PRMT9: variants seen among roughly 807,000 people sequenced by gnomAD.
PRMT9 encodes protein arginine N-methyltransferase 9.
Under a neutral mutation model 83.2 loss-of-function variants are expected in PRMT9, and 59 were observed. That is an observed-to-expected ratio of 0.71 (90% CI 0.57 to 0.88). PRMT9 has a LOEUF of 0.88. Ranked by LOEUF, PRMT9 falls within the 40% of genes least tolerant of loss-of-function variation. The pLI is 0.00. For synonymous variants in PRMT9, 333 were observed against 353.2 expected, an observed-to-expected ratio of 0.94 and a Z score of 0.64; for missense variants, 947 against 1,021.9, an observed-to-expected ratio of 0.93 and a Z score of 1.00.
intron 2 of PRMT9, among the ~76,000 whole-genome samples, chr4:147,677,597 A>G (rs2126637899): frequency 6.6e-6 from 1 of 151,822 alleles, no homozygotes; most frequent in East Asian, 1.9e-4. Context: ...GGGACTACAG[A>G]CACGTGCCAC....
At chr4:147,643,383 T>C (rs1733539629) in intron 9 of PRMT9, among the ~76,000 whole-genome samples, 1 of 152,222 alleles carries the variant, frequency 6.6e-6, no homozygotes, top group Non-Finnish European at 1.5e-5. Context: ...TAGAGTCTAA[T>C]GGACTTTCTG....
intron 1 of PRMT9, among the ~76,000 whole-genome samples, chr4:147,680,706 ACT>A (rs1161460026): frequency 6.6e-6 from 1 of 151,600 alleles, no homozygotes; most frequent in Non-Finnish European, 1.5e-5. Flanking sequence ...AACTCCCCCC[ACT>A]CTTAGCTGCT....
intron 4 of PRMT9, 126 bp from the exon 5 acceptor site, chr4:147,670,869 C>A: frequency 1.5e-6 from 1 of 660,474 alleles, no homozygotes; most frequent in Non-Finnish European, 2.6e-6. Flanking sequence ...TATCCTAATA[C>A]ATTTCATTTT....
Position 147,638,159 on chromosome 4 carries a change from T to C in PRMT9, c.*373A>G, listed in dbSNP as rs937992005. 1 of 268,696 alleles carries C rather than the reference T, an allele frequency of 3.7e-6. No individual in the cohort carries two copies. 16.6% of individuals were successfully genotyped at this position (268,696 alleles called of 1,614,324 possible). A position where few individuals can be genotyped will look rare whatever the true frequency, so the allele number is the denominator to read the frequency against. ...AACCCTCAGTCTTCAGTGGAAGCCT[T>C]TCAGTGTTTCCCAATTACAAGTTTG... On this transcript the variant is annotated 3_prime_UTR_variant, in exon 12 of 12. Transcript: ENST00000322396.
At chr4:147,639,327 A>G (rs561602301) in intron 10 of PRMT9, 29 of 425,124 alleles carry the variant, frequency 6.8e-5, no homozygotes, top group South Asian at 6.5e-4. Context: ...CAGGTTAGAT[A>G]ATTTGCTCTG....
intron 7 of PRMT9, among the ~76,000 whole-genome samples, chr4:147,659,725 C>T (rs899313501): frequency 2.3e-4 from 35 of 151,672 alleles, no homozygotes; most frequent in African/African-American, 8.0e-4. Flanking sequence ...TTAGAGGCAC[C>T]CGCCACCACA....
chr4:147,672,032 A>G (rs886326396), intron 4 of PRMT9: 66 of 377,114 alleles, frequency 1.8e-4, no homozygotes, highest in South Asian at 1.0e-3. Flanking sequence ...ATAAATGCCT[A>G]TTGTTAAAGC....
chr4:147,653,442 TAAA>T (rs201458372), intron 9 of PRMT9, among the ~76,000 whole-genome samples: 3 of 144,394 alleles, frequency 2.1e-5, no homozygotes, highest in South Asian at 4.4e-4. Flanking sequence ...AACTCCGTCT[TAAA>T]AAAAAAAAAT....
chr4:147,639,570 C>G (rs1210187658), intron 10 of PRMT9, among the ~76,000 whole-genome samples: 2 of 152,170 alleles, frequency 1.3e-5, no homozygotes, highest in East Asian at 1.9e-4. Flanking sequence ...AAATTAAAAT[C>G]ACCTGGGGAG....
intron 7 of PRMT9, among the ~76,000 whole-genome samples, chr4:147,659,897 C>T (rs1461590323): frequency 6.6e-6 from 1 of 152,086 alleles, no homozygotes; most frequent in Non-Finnish European, 1.5e-5. Flanking sequence ...TTTCTTTATA[C>T]AGAACATCCT....
chr4:147,656,890 G>A (rs1031803740), intron 8 of PRMT9, among the ~76,000 whole-genome samples: 1 of 151,012 alleles, frequency 6.6e-6, no homozygotes, highest in South Asian at 2.1e-4. Flanking sequence ...GCCTCCCAAA[G>A]TACTAGGGTT....
chr4:147,654,908 T>TCTTTGGTAATAATATCAGC (rs1734378615), intron 8 of PRMT9, among the ~76,000 whole-genome samples: 1 of 152,202 alleles, frequency 6.6e-6, no homozygotes. Flanking sequence ...GACTCTATCA[T>TCTTTGGTAATAATATCAGC]CTTTGGTAAT....
At chr4:147,658,080 C>T in intron 7 of PRMT9, 105 bp from the exon 8 acceptor site, 1 of 781,676 alleles carries the variant, frequency 1.3e-6, no homozygotes, top group South Asian at 1.5e-5. Context: ...CTGCCCAGCT[C>T]CCTTAGGGAT....
rs1232857039 is a variant in PRMT9, at chr4:147,683,733, C to CTAT, written c.189+65_189+66insATA. ...CTAGCCCCTCCGCTTTTTTTTTTTT[C>CTAT]TGTTTTTTTTTTTTTTTTTACGAGG... is the stretch of plus-strand genomic sequence containing the variant. On this transcript the variant is annotated intron_variant, in intron 1 of 11. Transcript: ENST00000322396. The CTAT allele has an allele frequency of 4.0e-4, 194 of 489,296 alleles. 18 individuals carry two copies. Among genetic ancestry groups the CTAT allele is most frequent in the Middle Eastern group, 1.3e-3 (2 of 1,546 alleles). The allele number at this position is 489,296 out of a possible 1,614,324, so 30.3% of individuals were successfully genotyped here. A position where few individuals can be genotyped will look rare whatever the true frequency, so the allele number is the denominator to read the frequency against.
chr4:147,674,979 CT>C (rs1274846788), intron 2 of PRMT9, among the ~76,000 whole-genome samples: 5 of 151,608 alleles, frequency 3.3e-5, no homozygotes, highest in African/African-American at 7.3e-5. Context: ...TTTAGAGAAA[CT>C]TTTTTTTTCT....
At chr4:147,670,297 A>G (rs543522998) in intron 5 of PRMT9, among the ~76,000 whole-genome samples, 1 of 152,158 alleles carries the variant, frequency 6.6e-6, no homozygotes, top group South Asian at 2.1e-4. Context: ...CTCCTGCCTC[A>G]CCCTCCCAAG....
At chr4:147,663,364 G>T (rs1735103146) in intron 6 of PRMT9, among the ~76,000 whole-genome samples, 1 of 150,436 alleles carries the variant, frequency 6.6e-6, no homozygotes, top group Non-Finnish European at 1.5e-5. Context: ...AAAAAGATGT[G>T]ACAATTTTTT....
intron 9 of PRMT9, among the ~76,000 whole-genome samples, chr4:147,652,701 A>G (rs1232845936): frequency 8.5e-6 from 1 of 118,160 alleles, no homozygotes; most frequent in East Asian, 2.3e-4. Flanking sequence ...ATTCTACCCT[A>G]CCCCGTGTCT....
chr4:147,658,950 C>T (rs936975548), intron 7 of PRMT9, among the ~76,000 whole-genome samples: 13 of 152,012 alleles, frequency 8.6e-5, no homozygotes, highest in African/African-American at 1.7e-4. Flanking sequence ...GAGGCCAAGG[C>T]GGACGGATCA....
Sources: gnomAD v4.1 joint callset for allele counts (sites outside exome capture counted in the v4.1 genomes callset) on GRCh38, gnomAD v4.1.1 for gene constraint, MANE v1.5 for transcripts, NCBI Gene and HGNC (gene_info 2026-07-23, HGNC 2026-07-21) for gene names.